Variants in SORCS3 observed in about 807,000 individuals in gnomAD.
The protein encoded by SORCS3 is VPS10 domain-containing receptor SorCS3.
A neutral mutation model predicts 146.3 loss-of-function variants in SORCS3; 57 were observed. The ratio of observed to expected loss-of-function variants is 0.39; its 90% confidence interval spans 0.31 to 0.49. SORCS3 has a LOEUF of 0.49. Among genes scored for constraint, SORCS3 ranks in the 20% least tolerant of loss-of-function variants. SORCS3 has a pLI of 0.92. For missense variants in SORCS3, 1,341 were observed against 1,575.5 expected (o/e 0.85, Z 2.52); for synonymous variants, 653 against 618.5 (o/e 1.06, Z -0.83).
chr10:104,858,787 A>C (rs1334522988), intron 2 of SORCS3, among the ~76,000 whole-genome samples: 5 of 151,754 alleles, frequency 3.3e-5, no homozygotes. Flanking sequence ...ACGCCTGGCT[A>C]ATTTTTTGTG....
chr10:105,020,627 C>A (rs2055192633), intron 4 of SORCS3, among the ~76,000 whole-genome samples: 1 of 152,020 alleles, frequency 6.6e-6, no homozygotes, highest in African/African-American at 2.4e-5. Flanking sequence ...ATAAATAAAC[C>A]AAAACAACTC....
intron 11 of SORCS3, 62 bp from the exon 12 acceptor site, chr10:105,164,241 A>G (rs2056292850): frequency 8.0e-7 from 1 of 1,252,244 alleles, no homozygotes; most frequent in Admixed American, 1.7e-5. Flanking sequence ...CCCATCCCTC[A>G]GCCCTAAGCA....
Position 105,003,998 on chromosome 10 carries a change from C to CTTTTTTTTTTTTTTT in SORCS3, c.954+26506_954+26507insTTTTTTTTTTTTTTT, listed in dbSNP as rs35604992. 3.1e-3 allele frequency among the ~76,000 whole-genome samples: 424 copies of CTTTTTTTTTTTTTTT among 135,950 alleles called. 31 individuals carry two copies. The highest frequency in any genetic ancestry group is 0.011 in the African/African-American group (364 of 34,188). The allele number at this position is 135,950 out of a possible 152,430, so 89.2% of individuals were successfully genotyped here. A position where few individuals can be genotyped will look rare whatever the true frequency, so the allele number is the denominator to read the frequency against. ...TTCCCCTCCTTTTTTTCTCTTCTCT[C>CTTTTTTTTTTTTTTT]TCTTTTTTTTTTTTTTACCAGAGAA... On this transcript the variant is annotated intron_variant, in intron 4 of 26. Coordinates refer to ENST00000369701, the MANE Select transcript of SORCS3 (RefSeq NM_014978.3).
chr10:104,645,548 G>T (rs1229092426), intron 1 of SORCS3, among the ~76,000 whole-genome samples: 1 of 152,126 alleles, frequency 6.6e-6, no homozygotes, highest in African/African-American at 2.4e-5. Flanking sequence ...CAGCGCACTC[G>T]AAGTGGCAGC....
intron 1 of SORCS3, among the ~76,000 whole-genome samples, chr10:104,696,410 G>T (rs62646915): frequency 0.061 from 42 of 686 alleles, 18 homozygotes; most frequent in East Asian, 1. Flanking sequence ...ATATAATATA[G>T]AATATATATA....
intron 4 of SORCS3, among the ~76,000 whole-genome samples, chr10:105,011,041 C>T (rs997776160): frequency 1.3e-5 from 2 of 152,138 alleles, no homozygotes; most frequent in Non-Finnish European, 2.9e-5. Context: ...ATCATACTTC[C>T]TGGCTGATGT....
At chr10:104,882,877 A>G (rs1049686024) in intron 2 of SORCS3, among the ~76,000 whole-genome samples, 3 of 152,240 alleles carry the variant, frequency 2.0e-5, no homozygotes, top group Admixed American at 6.5e-5. Context: ...TTAGCACATA[A>G]TATTTCCTCT....
chr10:104,986,530 C>T lies in SORCS3; in HGVS notation c.954+9037C>T, dbSNP rs576510176. On this transcript the variant is annotated intron_variant, in intron 4 of 26. Transcript: ENST00000369701. ...TTGCATTCACAATGTGGCTGTTTGG[C>T]GCAAGAGACTTCACTCTCAGCCTCC... Among the ~76,000 whole-genome samples, 32 of 152,260 alleles carry T rather than the reference C, an allele frequency of 2.1e-4. No individual in the cohort carries two copies. The South Asian group carries it at 3.5e-3, about 17-fold the overall frequency.
intron 5 of SORCS3, among the ~76,000 whole-genome samples, chr10:105,075,576 G>A (rs1029903831): frequency 2.0e-5 from 3 of 152,086 alleles, no homozygotes; most frequent in Non-Finnish European, 4.4e-5. Context: ...GTGACACCTT[G>A]GGGACCTCAC....
At chr10:105,072,485 A>G (rs2055562762) in intron 5 of SORCS3, among the ~76,000 whole-genome samples, 2 of 152,060 alleles carry the variant, frequency 1.3e-5, no homozygotes, top group Middle Eastern at 3.2e-3. Flanking sequence ...TCCCAGGCTG[A>G]TGGATACAAG....
chr10:104,642,886 C>A (rs1014745947), intron 1 of SORCS3, among the ~76,000 whole-genome samples: 1 of 152,206 alleles, frequency 6.6e-6, no homozygotes, highest in Admixed American at 6.5e-5. Context: ...TCCGGCATTC[C>A]GAACTGGGCG....
At chr10:104,680,947 G>C (rs1386596154) in intron 1 of SORCS3, among the ~76,000 whole-genome samples, 1 of 152,226 alleles carries the variant, frequency 6.6e-6, no homozygotes, top group Non-Finnish European at 1.5e-5. Context: ...AGGCCAGGCA[G>C]GCCCTGCGGG....
intron 4 of SORCS3, among the ~76,000 whole-genome samples, chr10:105,007,020 A>C (rs951123156): frequency 6.6e-6 from 1 of 152,196 alleles, no homozygotes. Flanking sequence ...CCTGTTGACC[A>C]ACAGGGTAAG....
chr10:105,174,685 A>T (rs944184911), intron 13 of SORCS3, among the ~76,000 whole-genome samples: 2 of 152,030 alleles, frequency 1.3e-5, no homozygotes, highest in African/African-American at 4.8e-5. Flanking sequence ...GTTATTGTCT[A>T]TGCTACCTTT....
chr10:104,928,666 G>T (rs567740161), intron 3 of SORCS3, among the ~76,000 whole-genome samples: 4 of 152,290 alleles, frequency 2.6e-5, no homozygotes, highest in South Asian at 4.1e-4. Context: ...TGGTGAGCGT[G>T]TCTGGGCAAT....
At chr10:104,944,212 A>G (rs941138499) in intron 3 of SORCS3, among the ~76,000 whole-genome samples, 6 of 152,208 alleles carry the variant, frequency 3.9e-5, no homozygotes, top group Admixed American at 1.3e-4. Context: ...GACAAAAAAC[A>G]TTTCTTCTGG....
intron 4 of SORCS3, among the ~76,000 whole-genome samples, chr10:105,038,916 ATAATT>A (rs1443880539): frequency 6.6e-6 from 1 of 152,162 alleles, no homozygotes; most frequent in African/African-American, 2.4e-5. Context: ...TTTATTTATA[ATAATT>A]TAAAGAAATC....
chr10:104,925,284 T>G (rs1006437939), intron 3 of SORCS3, among the ~76,000 whole-genome samples: 1 of 152,250 alleles, frequency 6.6e-6, no homozygotes, highest in African/African-American at 2.4e-5. Context: ...CTCGGTTGTC[T>G]TTTTCTCTTT....
intron 2 of SORCS3, among the ~76,000 whole-genome samples, chr10:104,902,976 G>A (rs1032081159): frequency 1.3e-5 from 2 of 152,166 alleles, no homozygotes; most frequent in Non-Finnish European, 2.9e-5. Flanking sequence ...CCCTGAGCAG[G>A]TGAATCAGTG....
Sources: allele counts gnomAD v4.1 joint callset (sites outside exome capture counted in the v4.1 genomes callset), GRCh38; gene constraint gnomAD v4.1.1; transcripts MANE v1.5; gene names NCBI Gene and HGNC (gene_info 2026-07-23, HGNC 2026-07-21).